The following REPS2 variants were observed in gnomAD, a reference collection of about 807,000 sequenced individuals.
The protein encoded by REPS2 is RALBP1 associated Eps domain containing 2.
A neutral mutation model predicts 53.6 loss-of-function variants in REPS2; 23 were observed. The ratio of observed to expected loss-of-function variants is 0.43; its 90% CI spans 0.31 to 0.61. The LOEUF (loss-of-function observed/expected upper bound fraction) is 0.61, where lower values mean the gene tolerates loss of function less well. Among genes scored for constraint, REPS2 ranks in the 20% least tolerant of loss-of-function variants. REPS2 has a pLI of 0.11. For missense variants in REPS2, 446 were observed against 534.9 expected (o/e 0.83, Z 1.64); for synonymous variants, 238 against 218.6 (o/e 1.09, Z -0.78).
intron 17 of REPS2, among the ~76,000 whole-genome samples, chrX:17,141,055 CCACCGCG>C (rs2063439179): frequency 8.9e-6 from 1 of 111,861 alleles, no homozygotes; most frequent in South Asian, 3.7e-4. Flanking sequence ...CAGGCGTGAG[CCACCGCG>C]CCAGCGCACG....
At chrX:17,102,837 A>G (rs780900607) in intron 13 of REPS2, among the ~76,000 whole-genome samples, 1 of 112,752 alleles carries the variant, frequency 8.9e-6, no homozygotes, top group Non-Finnish European at 1.9e-5. Flanking sequence ...TGCATAGTAC[A>G]AATTTGCAAA....
chrX:17,018,688 A>G (rs760323151), intron 2 of REPS2, among the ~76,000 whole-genome samples: 4 of 109,241 alleles, frequency 3.7e-5, no homozygotes, highest in Non-Finnish European at 5.7e-5. Flanking sequence ...TTTTGATGGA[A>G]CATGAGTTCT....
At chrX:16,982,634 G>A (rs1447078272) in intron 1 of REPS2, among the ~76,000 whole-genome samples, 1 of 112,191 alleles carries the variant, frequency 8.9e-6, no homozygotes, top group African/African-American at 3.2e-5. Context: ...ATTATTGCTT[G>A]AAAAATTCAC....
chrX:17,006,099 G>C (rs1323926438), intron 1 of REPS2, 122 bp from the exon 2 acceptor site: 5 of 751,017 alleles, frequency 6.7e-6, no homozygotes, highest in Non-Finnish European at 9.8e-6. Context: ...GCACACAGAG[G>C]TTCTCAAGGG....
intron 11 of REPS2, among the ~76,000 whole-genome samples, chrX:17,072,662 C>A (rs2062324068): frequency 8.9e-6 from 1 of 112,350 alleles, no homozygotes; most frequent in South Asian, 3.7e-4. Flanking sequence ...AGCAGTGGGG[C>A]CTGAGGGAGA....
At chrX:17,107,053 G>C (rs935968955) in intron 14 of REPS2, among the ~76,000 whole-genome samples, 1 of 111,983 alleles carries the variant, frequency 8.9e-6, no homozygotes, top group Non-Finnish European at 1.9e-5. Context: ...AGGATCAAAG[G>C]TCAAAATAAA....
chrX:17,122,210 C>T (rs982568814), intron 14 of REPS2, among the ~76,000 whole-genome samples: 1 of 111,586 alleles, frequency 9.0e-6, no homozygotes, highest in African/African-American at 3.3e-5. Flanking sequence ...TGCTGTTTTC[C>T]AGTCGCTATC....
chrX:16,969,183 G>A (rs1263493355), intron 1 of REPS2, among the ~76,000 whole-genome samples: 2 of 109,489 alleles, frequency 1.8e-5, no homozygotes, highest in Non-Finnish European at 3.8e-5. Flanking sequence ...CCGGGAAGAG[G>A]CGCTCCTCAC....
At chrX:17,110,551 G>C (rs1312933749) in intron 14 of REPS2, among the ~76,000 whole-genome samples, 1 of 106,954 alleles carries the variant, frequency 9.3e-6, no homozygotes, top group Non-Finnish European at 1.9e-5. Context: ...AATTAGCCGG[G>C]CGGGGTGGCA....
At chrX:17,109,372 A>G (rs1180243271) in intron 14 of REPS2, among the ~76,000 whole-genome samples, 1 of 111,557 alleles carries the variant, frequency 9.0e-6, no homozygotes, top group Admixed American at 9.6e-5. Flanking sequence ...TCTGAAGTGC[A>G]GCCAGAGTTG....
chrX:17,081,256 AAT>A (rs959022796), intron 13 of REPS2, among the ~76,000 whole-genome samples: 4 of 111,769 alleles, frequency 3.6e-5, no homozygotes, highest in African/African-American at 1.3e-4. Flanking sequence ...GTGGAAAGGA[AAT>A]AGGATGGAGA....
intron 5 of REPS2, among the ~76,000 whole-genome samples, chrX:17,033,018 G>C (rs184348249): frequency 9.7e-4 from 109 of 112,074 alleles, no homozygotes; most frequent in African/African-American, 3.5e-3. Flanking sequence ...ATGTTGTTTT[G>C]TGGTTTGTTT....
At chrX:17,169,113 A>G in the REPS2 span, among the ~76,000 whole-genome samples, 1 of 112,555 alleles carries the variant, frequency 8.9e-6, no homozygotes, top group Admixed American at 9.4e-5. Context: ...TATAGCCCTT[A>G]GCCAGCTCAG....
At chrX:17,160,218 G>C in the REPS2 span, among the ~76,000 whole-genome samples, 3 of 112,399 alleles carry the variant, frequency 2.7e-5, no homozygotes, top group Admixed American at 1.9e-4. Flanking sequence ...CTAAATGTGA[G>C]AGGAAAGAGA....
At chrX:17,043,368 C>T (rs2061860067) in intron 5 of REPS2, among the ~76,000 whole-genome samples, 1 of 111,058 alleles carries the variant, frequency 9.0e-6, no homozygotes, top group Admixed American at 9.6e-5. Flanking sequence ...AAATGAGAGC[C>T]AAGGAATGGC....
chrX:17,104,153 A>G (rs1208448915), intron 14 of REPS2, among the ~76,000 whole-genome samples: 1 of 111,783 alleles, frequency 8.9e-6, no homozygotes, highest in Non-Finnish European at 1.9e-5. Context: ...TCAGTACTTT[A>G]GGAGCTATGT....
At chrX:17,167,620 T>C in the REPS2 span, among the ~76,000 whole-genome samples, 1 of 106,345 alleles carries the variant, frequency 9.4e-6, no homozygotes, top group Non-Finnish European at 1.9e-5. Flanking sequence ...GGTCTTCTGC[T>C]TGTTTTTATT....
intron 13 of REPS2, among the ~76,000 whole-genome samples, chrX:17,103,025 G>A (rs1372419039): frequency 8.9e-6 from 1 of 112,056 alleles, no homozygotes; most frequent in Non-Finnish European, 1.9e-5. Flanking sequence ...GATGTTCTTG[G>A]CTTAACTCAG....
chrX:16,988,356 T>A (rs2061117556), intron 1 of REPS2, among the ~76,000 whole-genome samples: 1 of 112,041 alleles, frequency 8.9e-6, no homozygotes. Flanking sequence ...AAATCTACAG[T>A]CTACAGAATA....
Sources: allele counts gnomAD v4.1 joint callset (sites outside exome capture counted in the v4.1 genomes callset), GRCh38; gene constraint gnomAD v4.1.1; transcripts MANE v1.5; gene names NCBI Gene and HGNC (gene_info 2026-07-23, HGNC 2026-07-21).